Variants in XPO4 observed in about 807,000 individuals in gnomAD.
XPO4 encodes exportin 4.
Under a neutral mutation model 143.0 loss-of-function variants are expected in XPO4, and 39 were observed. The observed-to-expected ratio is 0.27, with a 90% CI of 0.21 to 0.36. The LOEUF is 0.36. Ranked by LOEUF, XPO4 falls within the 10% of genes least tolerant of loss-of-function variation. The probability of loss-of-function intolerance (pLI) is 1.00; values close to 1 mark genes in which losing one functional copy is unlikely to be tolerated. For synonymous variants in XPO4, 439 were observed against 474.0 expected (o/e 0.93, Z 0.96); for missense variants, 907 against 1,348.0 (o/e 0.67, Z 5.12).
intron 6 of XPO4, among the ~76,000 whole-genome samples, chr13:20,842,680 T>C (rs1192337549): frequency 2.0e-5 from 3 of 152,232 alleles, no homozygotes; most frequent in Non-Finnish European, 4.4e-5. Context: ...TTCAAACTTC[T>C]TCTACAAAGG....
At chr13:20,805,134 AT>A (rs1411068945) in intron 13 of XPO4, among the ~76,000 whole-genome samples, 1 of 151,878 alleles carries the variant, frequency 6.6e-6, no homozygotes, top group East Asian at 1.9e-4. Context: ...TTTAGTAGAG[AT>A]GGGGTTTCAA....
intron 1 of XPO4, among the ~76,000 whole-genome samples, chr13:20,898,422 A>G (rs1420115409): frequency 6.6e-6 from 1 of 152,102 alleles, no homozygotes. Context: ...AAAATTACCC[A>G]GGCGTGGTGC....
chr13:20,856,647 A>G (rs1436933984), intron 3 of XPO4, among the ~76,000 whole-genome samples: 4 of 152,160 alleles, frequency 2.6e-5, no homozygotes, highest in Admixed American at 6.5e-5. Flanking sequence ...CCAAATAATT[A>G]TTAGTCGTTC....
intron 22 of XPO4, among the ~76,000 whole-genome samples, chr13:20,784,856 C>T (rs1046705813): frequency 3.3e-5 from 5 of 151,902 alleles, no homozygotes; most frequent in African/African-American, 1.2e-4. Flanking sequence ...GATGGGAGAT[C>T]GCTTGAGCCC....
chr13:20,877,019 C>G (rs1374693588), intron 1 of XPO4, among the ~76,000 whole-genome samples: 1 of 152,116 alleles, frequency 6.6e-6, no homozygotes, highest in African/African-American at 2.4e-5. Flanking sequence ...TTTAGCTAGA[C>G]ACAGAGTGCT....
rs1368036671 is a variant in XPO4 at position 20,821,733 on chromosome 13, A to G, written c.1144T>C (p.Phe382Leu). 2.5e-6 allele frequency: 4 copies of G among 1,613,446 alleles called. No individual in the cohort carries two copies. The highest frequency in any genetic ancestry group is 3.4e-6 in the Non-Finnish European group (4 of 1,179,724). Reference protein sequence around the residue: ...VNCLTHLTCSFGRSAALEEVL... With the variant: ...VNCLTHLTCSLGRSAALEEVL... ...TCTTCCAATGCAGCACTTCGCCCAAAAGAACAAGTGAGGTGTGTGAGGCAG... is the reference window on the plus strand; with the variant it reads ...TCTTCCAATGCAGCACTTCGCCCAAGAGAACAAGTGAGGTGTGTGAGGCAG... The change falls in exon 9 of 23, where the codon TTT becomes CTT. Residue 382 changes from phenylalanine to leucine, a missense_variant. By Grantham distance (22) the Phe-to-Leu change is conservative. Coordinates refer to ENST00000255305, the MANE Select transcript of XPO4 (RefSeq NM_022459.5).
intron 6 of XPO4, among the ~76,000 whole-genome samples, chr13:20,837,304 A>T (rs533423007): frequency 6.6e-6 from 1 of 152,166 alleles, no homozygotes; most frequent in Non-Finnish European, 1.5e-5. Context: ...TGACAATCCA[A>T]ATTGTCTCAA....
intron 4 of XPO4, chr13:20,851,973 C>T (rs12865621): frequency 0.024 from 23,309 of 985,134 alleles, 1,023 homozygotes; most frequent in African/African-American, 0.17. Flanking sequence ...GTCAAATTAC[C>T]CAAGGGGAAA....
In XPO4 at chr13:20,796,744, T is replaced by C. The variant is rs562117149; in HGVS notation, c.2616+20A>G. ...TCAAAGAGTTTTAATCCTGAGGGGA[T>C]AAAATTAGAAAGTGCTTACCTCTCC... On this transcript the variant is annotated intron_variant, in intron 17 of 22. Transcript: ENST00000255305. The C allele has an allele frequency of 6.5e-7, 1 of 1,546,144 alleles. No homozygotes were observed. Among genetic ancestry groups the C allele is most frequent in the South Asian group, 1.3e-5 (1 of 77,086 alleles).
chr13:20,850,539 G>C (rs73437456), intron 4 of XPO4, among the ~76,000 whole-genome samples: 3 of 152,184 alleles, frequency 2.0e-5, no homozygotes, highest in Admixed American at 6.5e-5. Context: ...TGAAACAGGA[G>C]GATCACCTTG....
At chr13:20,795,270 A>C (rs1014672960) in intron 18 of XPO4, among the ~76,000 whole-genome samples, 2 of 152,200 alleles carry the variant, frequency 1.3e-5, no homozygotes, top group African/African-American at 4.8e-5. Flanking sequence ...GCAGTGAGAT[A>C]GGAGGGGAGT....
chr13:20,785,901 A>AGCAG (rs57419802), intron 22 of XPO4, among the ~76,000 whole-genome samples: 1 of 126,392 alleles, frequency 7.9e-6, no homozygotes, highest in Non-Finnish European at 1.6e-5. Context: ...AGAAAGAAAG[A>AGCAG]GGAGGGAGGA....
In XPO4 at chr13:20,822,303, T is replaced by C; in HGVS notation, c.841-14A>G. 6.2e-7 allele frequency: 1 copy of C among 1,606,472 alleles called. No individual in the cohort carries two copies. The highest frequency in any genetic ancestry group is 8.5e-7 in the Non-Finnish European group (1 of 1,175,784). ...TTTTCGATGTACCTGTTAGAAAGAA[T>C]TACTAATCCATAAATATAAATTCTT... On this transcript the variant is annotated splice_polypyrimidine_tract_variant and intron_variant, in intron 7 of 22. Coordinates refer to ENST00000255305, the MANE Select transcript of XPO4 (RefSeq NM_022459.5).
intron 7 of XPO4, among the ~76,000 whole-genome samples, chr13:20,825,347 C>G (rs1321243461): frequency 3.9e-5 from 6 of 152,114 alleles, no homozygotes; most frequent in Admixed American, 2.6e-4. Context: ...TGGAAAAGTG[C>G]TTTAAAGTAG....
intron 9 of XPO4, 104 bp downstream of exon 9, chr13:20,821,600 G>C: frequency 8.0e-7 from 1 of 1,256,926 alleles, no homozygotes; most frequent in East Asian, 2.6e-5. Context: ...TTTAACAATA[G>C]CCAGCACTCA....
chr13:20,794,172 G>A (rs2059324814), intron 18 of XPO4, among the ~76,000 whole-genome samples: 1 of 152,206 alleles, frequency 6.6e-6, no homozygotes, highest in East Asian at 1.9e-4. Flanking sequence ...TAGTACTTAA[G>A]TAGGTAGGAA....
intron 6 of XPO4, among the ~76,000 whole-genome samples, chr13:20,832,293 G>A (rs1237202857): frequency 6.6e-6 from 1 of 152,052 alleles, no homozygotes; most frequent in Non-Finnish European, 1.5e-5. Flanking sequence ...ACATGTAGTG[G>A]GGAAAACATC....
chr13:20,880,363 T>C (rs1032285186), intron 1 of XPO4, among the ~76,000 whole-genome samples: 11 of 151,246 alleles, frequency 7.3e-5, no homozygotes, highest in Admixed American at 4.6e-4. Context: ...ACCCAGTAGG[T>C]AGTGGTTGCG....
intron 7 of XPO4, among the ~76,000 whole-genome samples, chr13:20,823,255 T>C (rs1208940124): frequency 1.3e-5 from 2 of 152,216 alleles, no homozygotes; most frequent in Non-Finnish European, 2.9e-5. Flanking sequence ...TTTTAGGCTA[T>C]ATTCACTTTG....
Sources: gnomAD v4.1 joint callset for allele counts (sites outside exome capture counted in the v4.1 genomes callset) on GRCh38, gnomAD v4.1.1 for gene constraint, MANE v1.5 for transcripts, NCBI Gene and HGNC (gene_info 2026-07-23, HGNC 2026-07-21) for gene names.